PLEKHG1: variants seen among roughly 807,000 people sequenced by gnomAD.
The protein encoded by PLEKHG1 is pleckstrin homology domain-containing family G member 1.
Under a neutral mutation model 100.8 loss-of-function variants are expected in PLEKHG1, and 44 were observed. The ratio of observed to expected loss-of-function variants is 0.44; its 90% confidence interval spans 0.34 to 0.56. The LOEUF (loss-of-function observed/expected upper bound fraction) is 0.56, where lower values mean the gene tolerates loss of function less well. Among genes scored for constraint, PLEKHG1 ranks in the 20% least tolerant of loss-of-function variants. PLEKHG1 has a pLI of 0.01. For synonymous variants in PLEKHG1, 640 were observed against 662.5 expected, an observed-to-expected ratio of 0.97 and a Z score of 0.52; for missense variants, 1,545 against 1,720.9, an observed-to-expected ratio of 0.90 and a Z score of 1.81.
chr6:150,819,139 G>C (rs1037611879), intron 11 of PLEKHG1, among the ~76,000 whole-genome samples: 4 of 146,348 alleles, frequency 2.7e-5, no homozygotes, highest in Admixed American at 6.8e-5. Flanking sequence ...TTTTTTGGCC[G>C]GGTGTGGTGG....
intron 14 of PLEKHG1, among the ~76,000 whole-genome samples, chr6:150,827,081 T>C (rs803415): frequency 1 from 149,306 of 149,654 alleles, 74,481 homozygotes; most frequent in East Asian, 1. Flanking sequence ...TTTGTAGAGA[T>C]GGGGTGTCTC....
At chr6:150,671,415 G>A (rs9480516) in intron 3 of PLEKHG1, among the ~76,000 whole-genome samples, 11,805 of 152,058 alleles carry the variant, frequency 0.078, 543 homozygotes, top group Non-Finnish European at 0.1. Flanking sequence ...TTTTTCCTCC[G>A]TCCTAGAGTA....
At chr6:150,695,347 G>A (rs894285888) in intron 3 of PLEKHG1, among the ~76,000 whole-genome samples, 2 of 152,190 alleles carry the variant, frequency 1.3e-5, no homozygotes, top group Non-Finnish European at 2.9e-5. Flanking sequence ...TTTTTAGGTA[G>A]TGAGCTGCTT....
chr6:150,841,837 A>T (rs1487011144), exon 16 of PLEKHG1: 1 of 152,250 alleles, frequency 6.6e-6, no homozygotes, highest in African/African-American at 2.4e-5. Context: ...TATCCTTTCC[A>T]GAGCGCTTTG....
intron 1 of PLEKHG1, among the ~76,000 whole-genome samples, chr6:150,610,894 A>G (rs1776801730): frequency 6.6e-6 from 1 of 152,246 alleles, no homozygotes; most frequent in Non-Finnish European, 1.5e-5. Context: ...TCTGGAACAG[A>G]CACAGCTATC....
intron 3 of PLEKHG1, among the ~76,000 whole-genome samples, chr6:150,658,671 C>T (rs1779064803): frequency 6.6e-6 from 1 of 152,172 alleles, no homozygotes; most frequent in Non-Finnish European, 1.5e-5. Flanking sequence ...CCTAACTCTC[C>T]TCTTTGAGGA....
At chr6:150,802,086 G>C (rs1786750571) in intron 6 of PLEKHG1, among the ~76,000 whole-genome samples, 1 of 152,132 alleles carries the variant, frequency 6.6e-6, no homozygotes, top group Non-Finnish European at 1.5e-5. Context: ...AGTGATTCCA[G>C]GTTTCTAATT....
At chr6:150,617,774 C>T (rs1364581085) in intron 1 of PLEKHG1, among the ~76,000 whole-genome samples, 1 of 152,190 alleles carries the variant, frequency 6.6e-6, no homozygotes, top group Non-Finnish European at 1.5e-5. Flanking sequence ...TCCTTCCATT[C>T]TTTGAGGACA....
At position 150,821,206 on chromosome 6, in the gene PLEKHG1, C is replaced by T. The variant is rs140780640; in HGVS notation, c.1420C>T (p.Arg474Trp). The change falls in exon 13 of 16, where the codon CGG becomes TGG. Residue 474 changes from arginine to tryptophan, a missense_variant. By Grantham distance (101) the Arg-to-Trp change is moderately radical (BLOSUM62 -3). Transcript: ENST00000358517. ...GTTTTGTCTCCCAGAACCTTCCTCA[C>T]GGTCACATAAAGTTTTGAAGACCAG... 2.6e-4 allele frequency: 423 copies of T among 1,613,034 alleles called. 1 individual carries two copies. The highest frequency in any genetic ancestry group is 2.1e-3 in the Middle Eastern group (13 of 6,056).
At chr6:150,669,211 G>T (rs536245616) in intron 3 of PLEKHG1, among the ~76,000 whole-genome samples, 1 of 152,336 alleles carries the variant, frequency 6.6e-6, no homozygotes, top group East Asian at 1.9e-4. Context: ...ATAGAGAGGG[G>T]AGAAAGCCTT....
At position 150,600,751 on chromosome 6, in the gene PLEKHG1, TG is replaced by T. The variant is rs1447802991; in HGVS notation, c.-204+735del. ...GCTCGCCCCTTTTGTGTCCTCGCGG[TG>T]AGCCCCGTTCCGAAGCCGGAAGCTT... On this transcript the variant is annotated intron_variant, in intron 1 of 3. Coordinates refer to the PLEKHG1 transcript ENST00000367326. This position sits in a 1 kb window ranked among gnomAD's most constrained non-coding sequence, Gnocchi z 6.2. The T allele has an allele frequency of 6.6e-6, 1 of 152,238 alleles. No homozygotes were observed. The highest frequency in any genetic ancestry group is 1.5e-5 in the Non-Finnish European group (1 of 68,056). 9.4% of individuals were successfully genotyped at this position (152,238 alleles called of 1,614,324 possible).
chr6:150,705,807 T>A (rs1195269749), intron 3 of PLEKHG1, among the ~76,000 whole-genome samples: 1 of 152,188 alleles, frequency 6.6e-6, no homozygotes, highest in Non-Finnish European at 1.5e-5. Flanking sequence ...CAAATCCTCT[T>A]GGAGGCCTCG....
intron 1 of PLEKHG1, among the ~76,000 whole-genome samples, chr6:150,725,723 C>G (rs1005135224): frequency 6.0e-5 from 9 of 150,444 alleles, no homozygotes; most frequent in Non-Finnish European, 1.2e-4. Context: ...AAATCATTGC[C>G]AAGACCAGTG....
intron 3 of PLEKHG1, among the ~76,000 whole-genome samples, chr6:150,783,890 TTTTG>T (rs1179491669): frequency 5.3e-5 from 8 of 152,316 alleles, no homozygotes; most frequent in East Asian, 1.9e-4. Flanking sequence ...TACTAAATTT[TTTTG>T]TTTGTTTTGG....
At chr6:150,811,271 ATG>A (rs71682288) in intron 10 of PLEKHG1, among the ~76,000 whole-genome samples, 38,601 of 85,292 alleles carry the variant, frequency 0.45, 5,129 homozygotes, top group Middle Eastern at 0.55. Flanking sequence ...AGGATAGGGA[ATG>A]TTTTTTTTTT....
chr6:150,831,261 C>T lies in PLEKHG1; in HGVS notation c.2150C>T (p.Thr717Ile), dbSNP rs140318446. The change falls in exon 15 of 16, where the codon ACA becomes ATA. Residue 717 changes from threonine (T) to isoleucine (I), a missense_variant. Transcript: ENST00000358517. This position sits in a 1 kb window ranked among gnomAD's most constrained non-coding sequence, Gnocchi z 4.1. ...AGTAAGGGCTCTCTTTACGCACAAA[C>T]AGATGGCACCCTCTCAGGTGGAGAG... is the stretch of plus-strand genomic sequence containing the variant. 309 of 1,613,998 alleles carry T rather than the reference C, an allele frequency of 1.9e-4. 2 individuals carry two copies. The highest frequency in any genetic ancestry group is 2.1e-4 in the Non-Finnish European group (251 of 1,180,012).
intron 7 of PLEKHG1, among the ~76,000 whole-genome samples, chr6:150,805,919 G>A (rs533983425): frequency 2.1e-4 from 32 of 152,184 alleles, no homozygotes; most frequent in Non-Finnish European, 2.9e-4. Context: ...ACTTTTGACA[G>A]CTGTTGGGCC....
intron 3 of PLEKHG1, among the ~76,000 whole-genome samples, chr6:150,684,037 C>A (rs1030093594): frequency 1.3e-5 from 2 of 152,162 alleles, no homozygotes; most frequent in Admixed American, 1.3e-4. Context: ...ACTGTCTTCA[C>A]CCAACAGTCT....
At chr6:150,745,833 A>G (rs990128951) in intron 2 of PLEKHG1, among the ~76,000 whole-genome samples, 2 of 152,228 alleles carry the variant, frequency 1.3e-5, no homozygotes, top group African/African-American at 4.8e-5. Flanking sequence ...CATACATGCT[A>G]TAGTAAATAG....
Sources: allele counts gnomAD v4.1 joint callset (sites outside exome capture counted in the v4.1 genomes callset), GRCh38; gene constraint gnomAD v4.1.1; non-coding constraint Gnocchi (gnomAD v3.1); transcripts MANE v1.5; gene names NCBI Gene and HGNC (gene_info 2026-07-23, HGNC 2026-07-21).